FUT8: variants seen among roughly 807,000 people sequenced by gnomAD.
The protein encoded by FUT8 is alpha-(1,6)-fucosyltransferase.
A neutral mutation model predicts 71.3 loss-of-function variants in FUT8; 29 were observed. The observed-to-expected ratio is 0.41, with a 90% CI of 0.30 to 0.55. FUT8 has a LOEUF of 0.55. FUT8 is among the 20% of genes least tolerant of loss of function. The pLI, the probability that FUT8 is intolerant of heterozygous loss-of-function variation, is 0.34. For synonymous variants in FUT8, 254 were observed against 239.3 expected (o/e 1.06, Z -0.57); for missense variants, 544 against 702.1 (o/e 0.77, Z 2.55).
chr14:65,602,223 G>C (rs1370075084), intron 3 of FUT8, among the ~76,000 whole-genome samples: 1 of 148,968 alleles, frequency 6.7e-6, no homozygotes, highest in Non-Finnish European at 1.5e-5. Context: ...TGAGAACATA[G>C]GATGTTTGGT....
At chr14:65,371,762 T>G in the FUT8 span, among the ~76,000 whole-genome samples, 1 of 152,220 alleles carries the variant, frequency 6.6e-6, no homozygotes, top group Non-Finnish European at 1.5e-5. Flanking sequence ...TTTTGTACTT[T>G]CCTTGTCCCA....
At position 65,742,166 on chromosome 14, in the gene FUT8, A is replaced by G; in HGVS notation, c.1484A>G (p.Asp495Gly). Reference protein sequence around the residue: ...DASANFHSLDDIYYFGGQNAH... With the variant: ...DASANFHSLDGIYYFGGQNAH... The stretch of plus-strand genomic sequence containing the variant: ...TCTGCAAACTTCCATTCTTTAGATG[A>G]CATCTACTATTTTGGGGGCCAGAAT... Residue 495 changes from aspartate to glycine, a missense_variant, in exon 11 of 11, where the codon GAC (aspartate) becomes GGC (glycine). Asp to Gly is a moderately conservative substitution (Grantham distance 94). Transcript: ENST00000673929. The G allele has an allele frequency of 1.2e-6, 2 of 1,613,132 alleles. No homozygotes were observed. The highest frequency in any genetic ancestry group is 1.7e-6 in the Non-Finnish European group (2 of 1,179,366).
At chr14:65,390,872 C>T in the FUT8 span, among the ~76,000 whole-genome samples, 14 of 151,692 alleles carry the variant, frequency 9.2e-5, no homozygotes, top group African/African-American at 3.1e-4. Context: ...TACAGGCACA[C>T]GCCACATTAG....
chr14:65,631,067 C>G (rs781429323), intron 6 of FUT8, among the ~76,000 whole-genome samples: 12 of 152,176 alleles, frequency 7.9e-5, no homozygotes, highest in Non-Finnish European at 1.6e-4. Flanking sequence ...GGCATGCTAT[C>G]TTGGTCTCAT....
At chr14:65,705,981 A>G (rs536205089) in intron 7 of FUT8, among the ~76,000 whole-genome samples, 2 of 152,204 alleles carry the variant, frequency 1.3e-5, no homozygotes, top group Admixed American at 6.5e-5. Context: ...AGATCAAACT[A>G]TAGCTGGCTT....
intron 10 of FUT8, 63 bp downstream of exon 10, chr14:65,733,444 A>T: frequency 8.0e-7 from 1 of 1,248,140 alleles, no homozygotes. Context: ...AGTCAGAAAA[A>T]TTATTTGTGT....
At chr14:65,585,841 A>G (rs189417710) in intron 3 of FUT8, among the ~76,000 whole-genome samples, 22 of 152,336 alleles carry the variant, frequency 1.4e-4, no homozygotes, top group Non-Finnish European at 2.4e-4. Flanking sequence ...AACTTGCTGC[A>G]TGGTGCCTTG....
chr14:65,677,999 G>A (rs956130904), intron 7 of FUT8, among the ~76,000 whole-genome samples: 4 of 152,180 alleles, frequency 2.6e-5, no homozygotes, highest in East Asian at 1.9e-4. Flanking sequence ...GGAGTCAGAA[G>A]TTATTAGCTG....
chr14:65,682,347 A>AT (rs1398153560), intron 7 of FUT8, among the ~76,000 whole-genome samples: 4 of 151,696 alleles, frequency 2.6e-5, no homozygotes, highest in African/African-American at 9.7e-5. Context: ...TAAAAATAAA[A>AT]TTTTTTTTAA....
chr14:65,362,447 AC>A, the FUT8 span, among the ~76,000 whole-genome samples: 2 of 152,066 alleles, frequency 1.3e-5, no homozygotes, highest in Non-Finnish European at 2.9e-5. Flanking sequence ...GGGCTGAGGT[AC>A]GAAGATTACT....
chr14:65,549,329 A>C (rs1435197444), intron 2 of FUT8, among the ~76,000 whole-genome samples: 2 of 149,818 alleles, frequency 1.3e-5, no homozygotes, highest in Non-Finnish European at 3.0e-5. Flanking sequence ...TTTTTTTAGC[A>C]TTTTAAAAAG....
intron 3 of FUT8, among the ~76,000 whole-genome samples, chr14:65,575,098 A>G (rs1053477163): frequency 6.6e-6 from 1 of 150,458 alleles, no homozygotes; most frequent in African/African-American, 2.4e-5. Flanking sequence ...TTATTTATTA[A>G]TTTATTTTAT....
At chr14:65,430,132 A>T (rs1241298429) in intron 1 of FUT8, 1 of 151,388 alleles carries the variant, frequency 6.6e-6, no homozygotes, top group Non-Finnish European at 1.5e-5. Flanking sequence ...CTATCCTCCC[A>T]GCTCAGCCTC....
In FUT8 at chr14:65,467,207, T is replaced by G. The variant is rs2066057858; in HGVS notation, c.-228+11489T>G. 6.6e-6 allele frequency among the ~76,000 whole-genome samples: 1 copy of G among 152,178 alleles called. No individual in the cohort carries two copies. On this transcript the variant is annotated intron_variant, in intron 2 of 10. Coordinates refer to ENST00000673929, the MANE Select transcript of FUT8 (RefSeq NM_001371533.1). The surrounding 1 kb of genome is among the most constrained non-coding windows in gnomAD (Gnocchi z 4.1). ...AGTTTTTATTTCAGAAAGTCTTTATTTCTTCACTTTTGGAGGATACTTTTG... is the reference window on the plus strand; with the variant it reads ...AGTTTTTATTTCAGAAAGTCTTTATGTCTTCACTTTTGGAGGATACTTTTG...
chr14:65,515,789 T>C (rs1414048991), intron 2 of FUT8, among the ~76,000 whole-genome samples: 2 of 152,160 alleles, frequency 1.3e-5, no homozygotes, highest in African/African-American at 2.4e-5. Flanking sequence ...CTAGTGAGTA[T>C]GTATTTTTAA....
chr14:65,438,882 C>A (rs964753235), intron 1 of FUT8, among the ~76,000 whole-genome samples: 3 of 152,156 alleles, frequency 2.0e-5, no homozygotes, highest in Non-Finnish European at 4.4e-5. Context: ...AGTTATGTAG[C>A]ACCTGAAATT....
At chr14:65,536,931 A>G (rs1183682739) in intron 2 of FUT8, among the ~76,000 whole-genome samples, 1 of 148,132 alleles carries the variant, frequency 6.8e-6, no homozygotes, top group Non-Finnish European at 1.5e-5. Flanking sequence ...TATTTCCTGG[A>G]GGTTTTGCTA....
At chr14:65,700,010 T>C (rs1894203178) in intron 7 of FUT8, among the ~76,000 whole-genome samples, 1 of 152,212 alleles carries the variant, frequency 6.6e-6, no homozygotes, top group Non-Finnish European at 1.5e-5. Context: ...CTACCTCTTA[T>C]CTCCAATACT....
intron 2 of FUT8, among the ~76,000 whole-genome samples, chr14:65,557,980 A>G (rs1265987465): frequency 6.6e-6 from 1 of 152,170 alleles, no homozygotes; most frequent in African/African-American, 2.4e-5. Context: ...TGCAAAGTGA[A>G]TCTTCTAAAT....
Sources: allele counts gnomAD v4.1 joint callset (sites outside exome capture counted in the v4.1 genomes callset), GRCh38; gene constraint gnomAD v4.1.1; non-coding constraint Gnocchi (gnomAD v3.1); transcripts MANE v1.5; gene names NCBI Gene and HGNC (gene_info 2026-07-23, HGNC 2026-07-21).